The following MCL1 variants were observed in gnomAD, a reference collection of about 807,000 sequenced individuals.
MCL1 encodes the protein MCL1 apoptosis regulator, BCL2 family member, also known as induced myeloid leukemia cell differentiation protein Mcl-1.
Under a neutral mutation model 24.2 loss-of-function variants are expected in MCL1, and 4 were observed. That is an observed-to-expected ratio of 0.17 (90% confidence interval 0.08 to 0.38). The LOEUF is 0.38. Among genes scored for constraint, MCL1 ranks in the 10% least tolerant of loss-of-function variants. The pLI is 1.00. For synonymous variants in MCL1, 248 were observed against 214.0 expected, an observed-to-expected ratio of 1.16 and a Z score of -1.39; for missense variants, 529 against 480.3, an observed-to-expected ratio of 1.10 and a Z score of -0.95.
In MCL1 at chr1:150,578,930, T is replaced by A. The variant is rs754720979; in HGVS notation, c.601A>T (p.Arg201Trp). The A allele has an allele frequency of 4.3e-6, 7 of 1,613,784 alleles. No homozygotes were observed. Among genetic ancestry groups the A allele is most frequent in the Non-Finnish European group, 8.5e-7 (1 of 1,180,022 alleles). Reference sequence around the variant, plus strand: ...GCCTTCCTGCTGGTGGCCCCAGACCTGCCCATTGGCTTTGTGTCCTTGGCG... The same window carrying A: ...GCCTTCCTGCTGGTGGCCCCAGACCAGCCCATTGGCTTTGTGTCCTTGGCG... ...TGAKDTKPMG[R>W]SGATSRKALE... Residue 201 changes from arginine (R) to tryptophan (W), a missense_variant, in exon 1 of 3, where the codon AGG (arginine) becomes TGG (tryptophan). Arg to Trp is a moderately radical substitution (Grantham distance 101). Coordinates refer to ENST00000369026, the MANE Select transcript of MCL1 (RefSeq NM_021960.5).
chr1:150,577,520 T>C (rs1647861881), intron 2 of MCL1, 29 bp from the exon 3 acceptor site: 1 of 1,534,734 alleles, frequency 6.5e-7, no homozygotes, highest in Admixed American at 2.1e-5. Flanking sequence ...AAGCACATTT[T>C]CAAGTATGGG....
rs1370653503 is a variant in MCL1 at position 150,575,681 on chromosome 1, C to T, written c.*1694G>A. The T allele has an allele frequency of 1.7e-5, 4 of 232,840 alleles. No individual in the cohort carries two copies. Among genetic ancestry groups the T allele is most frequent in the African/African-American group, 6.6e-5 (3 of 45,260 alleles). 14.4% of individuals were successfully genotyped at this position (232,840 alleles called of 1,614,324 possible). On this transcript the variant is annotated 3_prime_UTR_variant, in exon 3 of 3. Transcript: ENST00000369026. The stretch of plus-strand genomic sequence containing the variant: ...TACCACCTGCTAACAGGATCAAGTT[C>T]GTGAAAGATGAAAGGTCTGTGGACT...
Position 150,576,789 on chromosome 1 carries a change from T to TA in MCL1, c.*585dup. On this transcript the variant is annotated 3_prime_UTR_variant, in exon 3 of 3. Transcript: ENST00000369026. ...TATTATTGGTGATAAACTAGGCTAA[T>TA]AAAGTAAGAATCATGGAAACCAAGC... The TA allele has an allele frequency of 4.3e-6, 1 of 232,832 alleles. No homozygotes were observed. The allele number at this position is 232,832 out of a possible 1,614,324, so 14.4% of individuals were successfully genotyped here. A position where few individuals can be genotyped will look rare whatever the true frequency, so the allele number is the denominator to read the frequency against.
chr1:150,578,584 G>A (rs1647918715), intron 1 of MCL1, 93 bp from the exon 2 acceptor site: 17 of 1,490,936 alleles, frequency 1.1e-5, no homozygotes, highest in Non-Finnish European at 1.5e-5. Flanking sequence ...AATCGCTACT[G>A]GGATTTACAG....
rs201302304 is a variant in MCL1 at position 150,579,563 on chromosome 1, C to G, written c.-33G>C. 6.6e-4 allele frequency: 1,046 copies of G among 1,575,402 alleles called. 4 individuals are homozygous for G. The highest frequency in any genetic ancestry group is 3.9e-3 in the Middle Eastern group (23 of 5,972). ...CGCCGCCGCCGCCTGGCTGAGAAAA[C>G]TGGGGAAGACCCCGACTCCTTACTG... is the stretch of plus-strand genomic sequence containing the variant. On this transcript the variant is annotated 5_prime_UTR_variant, in exon 1 of 3. Transcript: ENST00000369026.
rs894234830 is a variant in MCL1 at position 150,575,296 on chromosome 1, A to T, written c.*2079T>A. 1.7e-5 allele frequency: 4 copies of T among 233,208 alleles called. No homozygotes were observed. Among genetic ancestry groups the T allele is most frequent in the Admixed American group, 1.1e-4 (2 of 17,760 alleles). 14.4% of individuals were successfully genotyped at this position (233,208 alleles called of 1,614,324 possible). A position where few individuals can be genotyped will look rare whatever the true frequency, so the allele number is the denominator to read the frequency against. ...GTTCTTCCCCATTACATTCTTAGTCATCTTATTCATACCTATTTTTAAATG... is the reference window on the plus strand; with the variant it reads ...GTTCTTCCCCATTACATTCTTAGTCTTCTTATTCATACCTATTTTTAAATG... On this transcript the variant is annotated 3_prime_UTR_variant, in exon 3 of 3. Coordinates refer to ENST00000369026, the MANE Select transcript of MCL1 (RefSeq NM_021960.5).
rs779932136 is a variant in MCL1 at position 150,578,268 on chromosome 1, G to A, written c.912C>T (p.Asp304=). The change falls in exon 2 of 3, where the codon GAC becomes GAT. Residue 304 remains aspartate, a synonymous_variant. Transcript: ENST00000369026. ...ITDVLVRTKR[D]WLVKQRGWDG... The stretch of plus-strand genomic sequence containing the variant: ...CCCAGCCTCTTTGTTTAACTAGCCA[G>A]TCCCGTTTTGTCCTTACGAGAACGT... 3.1e-6 allele frequency: 5 copies of A among 1,613,996 alleles called. No homozygotes were observed. Among genetic ancestry groups the A allele is most frequent in the African/African-American group, 1.3e-5 (1 of 74,904 alleles).
chr1:150,579,592 G>T lies in MCL1; in HGVS notation c.-62C>A, dbSNP rs895069906. ...GGAAGACCCCGACTCCTTACTGGAA[G>T]GAAGCGGAAGTGAGAAGTGGCGAGC... On this transcript the variant is annotated 5_prime_UTR_variant, in exon 1 of 3. Coordinates refer to ENST00000369026, the MANE Select transcript of MCL1 (RefSeq NM_021960.5). 3 of 1,515,026 alleles carry T rather than the reference G, an allele frequency of 2.0e-6. No homozygotes were observed. The African/African-American group carries it at 4.3e-5, about 22-fold the overall frequency. 93.8% of individuals were successfully genotyped at this position (1,515,026 alleles called of 1,614,324 possible). A position where few individuals can be genotyped will look rare whatever the true frequency, so the allele number is the denominator to read the frequency against.
At chr1:150,577,572 A>G (rs968483352) in intron 2 of MCL1, 81 bp from the exon 3 acceptor site, 2 of 1,406,102 alleles carry the variant, frequency 1.4e-6, no homozygotes, top group Non-Finnish European at 1.9e-6. Flanking sequence ...GAGAAGGTAA[A>G]TTAAAATATC....
chr1:150,575,835 G>C lies in MCL1; in HGVS notation c.*1540C>G, dbSNP rs1044677373. On this transcript the variant is annotated 3_prime_UTR_variant, in exon 3 of 3. Transcript: ENST00000369026. ...GAATTGATATAAATATCTGTAGAGG[G>C]AGCAGAACAATCAGCAATTTCAAGG... 4 of 233,302 alleles carry C rather than the reference G, an allele frequency of 1.7e-5. No homozygotes were observed. The highest frequency in any genetic ancestry group is 6.6e-5 in the African/African-American group (3 of 45,314). The allele number at this position is 233,302 out of a possible 1,614,324, so 14.5% of individuals were successfully genotyped here.
Position 150,577,172 on chromosome 1 carries a change from TTCAGACAGTGACTCTTCAA to T in MCL1, c.*184_*202del. The T allele has an allele frequency of 1.7e-6, 1 of 581,806 alleles. No homozygotes were observed. Among genetic ancestry groups the T allele is most frequent in the Non-Finnish European group, 2.9e-6 (1 of 348,498 alleles). The allele number at this position is 581,806 out of a possible 1,614,324, so 36.0% of individuals were successfully genotyped here. On this transcript the variant is annotated 3_prime_UTR_variant, in exon 3 of 3. Transcript: ENST00000369026. ...GTTGCTGAAACTGAACTTTGCTTCT[TTCAGACAGTGACTCTTCAA>T]TCAATGGGGAGCACTCTTCCCATGT...
Position 150,576,327 on chromosome 1 carries a change from G to A in MCL1, c.*1048C>T, listed in dbSNP as rs1445534419. 1.7e-5 allele frequency: 4 copies of A among 232,804 alleles called. No homozygotes were observed. In the East Asian group the frequency reaches 2.4e-4, roughly 14 times the overall value. The allele number at this position is 232,804 out of a possible 1,614,324, so 14.4% of individuals were successfully genotyped here. On this transcript the variant is annotated 3_prime_UTR_variant, in exon 3 of 3. Coordinates refer to ENST00000369026, the MANE Select transcript of MCL1 (RefSeq NM_021960.5). The stretch of plus-strand genomic sequence containing the variant: ...ATCAGTAACCTTAAAACTCCACTTA[G>A]ACCTAATTATTGAAAACTTGCATAT...
rs1178536739 is a variant in MCL1, at chr1:150,579,230, G to A, written c.301C>T (p.Pro101Ser). Residue 101 changes from proline to serine, a missense_variant, in exon 1 of 3, where the codon CCC becomes TCC. Pro to Ser is a moderately conservative substitution (Grantham distance 74). Coordinates refer to ENST00000369026, the MANE Select transcript of MCL1 (RefSeq NM_021960.5). ...TCAAGCGGCGCCGCGCGGCGGGTGGGCGCGAAGAAAAGCAGCCTCGCGGGG... is the reference window on the plus strand; with the variant it reads ...TCAAGCGGCGCCGCGCGGCGGGTGGACGCGAAGAAAAGCAGCCTCGCGGGG... ...ATPARLLFFA[P>S]TRRAAPLEEM... 2 of 1,560,266 alleles carry A rather than the reference G, an allele frequency of 1.3e-6. No individual in the cohort carries two copies. Among genetic ancestry groups the A allele is most frequent in the Non-Finnish European group, 1.7e-6 (2 of 1,158,614 alleles).
At chr1:150,578,580 T>TA in intron 1 of MCL1, 89 bp from the exon 2 acceptor site, 1 of 1,500,376 alleles carries the variant, frequency 6.7e-7, no homozygotes, top group South Asian at 1.2e-5. Context: ...GGAAAATCGC[T>TA]ACTGGGATTT....
rs1430897430 is a variant in MCL1 at position 150,577,246 on chromosome 1, C to A, written c.*129G>T. On this transcript the variant is annotated 3_prime_UTR_variant, in exon 3 of 3. Coordinates refer to ENST00000369026, the MANE Select transcript of MCL1 (RefSeq NM_021960.5). ...ATTCTTGTTAGCCATAATCCTCTTG[C>A]CACTTGCTTTTCTGGCTAGGTTGCT... 3.4e-6 allele frequency: 4 copies of A among 1,172,178 alleles called. No homozygotes were observed. The East Asian group carries it at 9.8e-5, about 29-fold the overall frequency. 72.6% of individuals were successfully genotyped at this position (1,172,178 alleles called of 1,614,324 possible).
rs773866164 is a variant in MCL1 at position 150,579,059 on chromosome 1, C to T, written c.472G>A (p.Gly158Arg). The T allele has an allele frequency of 6.2e-6, 10 of 1,613,180 alleles. No homozygotes were observed. Among genetic ancestry groups the T allele is most frequent in the South Asian group, 1.1e-5 (1 of 91,092 alleles). Residue 158 changes from glycine to arginine, a missense_variant, in exon 1 of 3, where the codon GGG becomes AGG. By Grantham distance (125) the Gly-to-Arg change is moderately radical. Coordinates refer to ENST00000369026, the MANE Select transcript of MCL1 (RefSeq NM_021960.5). ...GESGNNTSTD[G>R]SLPSTPPPAE... The stretch of plus-strand genomic sequence containing the variant: ...GGCGGCGGCGTCGAGGGTAGTGACC[C>T]GTCCGTACTGGTGTTATTACCAGAT...
chr1:150,574,565 A>T lies in MCL1; in HGVS notation c.*2810T>A. 1 of 225,828 alleles carries T rather than the reference A, an allele frequency of 4.4e-6. No homozygotes were observed. The highest frequency in any genetic ancestry group is 5.7e-5 in the Admixed American group (1 of 17,542). 14.0% of individuals were successfully genotyped at this position (225,828 alleles called of 1,614,324 possible). A position where few individuals can be genotyped will look rare whatever the true frequency, so the allele number is the denominator to read the frequency against. On this transcript the variant is annotated 3_prime_UTR_variant, in exon 3 of 3. Coordinates refer to ENST00000369026, the MANE Select transcript of MCL1 (RefSeq NM_021960.5). ...CCCATATCACACCCTGTATTTGAAT[A>T]AAAGATTTATTTTTTTTTCTCAGGA...
At chr1:150,578,801 A>C in intron 1 of MCL1, 42 bp downstream of exon 1, 1 of 1,572,466 alleles carries the variant, frequency 6.4e-7, no homozygotes, top group Admixed American at 1.8e-5. Context: ...GGAGAGATGG[A>C]AAAAAGGGAG....
In MCL1 at chr1:150,578,964, C is replaced by A. The variant is rs1224364051; in HGVS notation, c.567G>T (p.Gln189His). The A allele has an allele frequency of 3.1e-6, 5 of 1,613,704 alleles. No individual in the cohort carries two copies. Among genetic ancestry groups the A allele is most frequent in the Non-Finnish European group, 4.2e-6 (5 of 1,180,040 alleles). ...LEIISRYLRE[Q>H]ATGAKDTKPM... ...GCTTTGTGTCCTTGGCGCCGGTGGC[C>A]TGCTCCCGAAGGTACCGAGAGATAA... Residue 189 changes from glutamine (Q) to histidine (H), a missense_variant, in exon 1 of 3, where the codon CAG (glutamine) becomes CAT (histidine). Physicochemically the swap from Gln to His is conservative, Grantham distance 24. Transcript: ENST00000369026.
Sources: gnomAD v4.1 joint callset for allele counts on GRCh38, gnomAD v4.1.1 for gene constraint, MANE v1.5 for transcripts, NCBI Gene and HGNC (gene_info 2026-07-23, HGNC 2026-07-21) for gene names.